Variants in TFR2 observed in about 807,000 individuals in gnomAD.
TFR2 encodes transferrin receptor protein 2.
TFR2 carries 64 observed loss-of-function variants against 91.9 expected under a neutral mutation model. That is an observed-to-expected ratio of 0.70 (90% CI 0.57 to 0.86). The LOEUF is 0.86. Ranked by LOEUF, TFR2 falls within the 40% of genes least tolerant of loss-of-function variation. The probability of loss-of-function intolerance (pLI) is 0.00; values close to 1 mark genes in which losing one functional copy is unlikely to be tolerated. For synonymous variants in TFR2, 454 were observed against 459.6 expected (o/e 0.99, Z 0.15); for missense variants, 950 against 1,080.5 (o/e 0.88, Z 1.69).
At chr7:100,626,998 G>T in intron 16 of TFR2, 95 bp from the exon 17 acceptor site, 1 of 1,416,914 alleles carries the variant, frequency 7.1e-7, no homozygotes, top group South Asian at 1.4e-5. Context: ...GGGGAAGGGG[G>T]CTGGGACCCC....
In TFR2 at chr7:100,620,656, T is replaced by C. The variant is rs934425957; in HGVS notation, c.*201A>G. On this transcript the variant is annotated 3_prime_UTR_variant, in exon 18 of 18. Coordinates refer to ENST00000223051, the MANE Select transcript of TFR2 (RefSeq NM_003227.4). ...TTAACCGACAGTATGACCGTCACAT[T>C]AGGGTCAGCTACACTGCAGGGCTGG... 25 of 648,726 alleles carry C rather than the reference T, an allele frequency of 3.9e-5. No individual in the cohort carries two copies. The highest frequency in any genetic ancestry group is 6.6e-5 in the Non-Finnish European group (25 of 379,218). 40.2% of individuals were successfully genotyped at this position (648,726 alleles called of 1,614,324 possible).
chr7:100,637,108 A>T (rs1221248114), intron 3 of TFR2, among the ~76,000 whole-genome samples: 1 of 152,040 alleles, frequency 6.6e-6, no homozygotes, highest in Non-Finnish European at 1.5e-5. Context: ...CCTAAAAAAA[A>T]TACATAAATT....
rs1176993152 is a variant in TFR2 at position 100,631,074 on chromosome 7, AG to A, written c.1107-23del. On this transcript the variant is annotated intron_variant, in intron 8 of 17. Coordinates refer to ENST00000223051, the MANE Select transcript of TFR2 (RefSeq NM_003227.4). ...CTTCCTGGAGAGGAGGAAGGCAGAA[AG>A]GGGGAAGTTGTAGAGAGACCCAGAA... is the stretch of plus-strand genomic sequence containing the variant. The A allele has an allele frequency of 2.6e-6, 4 of 1,537,146 alleles. No homozygotes were observed. In the African/African-American group the frequency reaches 5.6e-5, roughly 21 times the overall value.
chr7:100,626,443 G>A, intron 17 of TFR2: 1 of 1,228,722 alleles, frequency 8.1e-7, no homozygotes, highest in South Asian at 2.1e-5. Flanking sequence ...GGGTCGAGGA[G>A]GCAGTGGGAG....
intron 17 of TFR2, among the ~76,000 whole-genome samples, chr7:100,623,685 A>T (rs1803174162): frequency 6.6e-6 from 1 of 152,042 alleles, no homozygotes; most frequent in Middle Eastern, 3.2e-3. Context: ...CAGGAGGCCA[A>T]GGTGGGAGGA....
At position 100,631,818 on chromosome 7, in the gene TFR2, G is replaced by A. The variant is rs757899366; in HGVS notation, c.1094C>T (p.Ser365Phe). 32 of 1,612,648 alleles carry A rather than the reference G, an allele frequency of 2.0e-5. No homozygotes were observed. Among genetic ancestry groups the A allele is most frequent in the Non-Finnish European group, 2.7e-5 (32 of 1,179,246 alleles). Residue 365 changes from serine to phenylalanine, a missense_variant, in exon 8 of 18, where the codon TCC becomes TTC. Transcript: ENST00000223051. ...ACACTCCCCTCACCTCAGCAGGCGG[G>A]AGGCAATGTCTGCACTGATGGGCTG... ...PAQPISADIA[S>F]RLLRKLKGPV...
chr7:100,633,058 C>G lies in TFR2; in HGVS notation c.792G>C (p.Val264=), dbSNP rs772072680. The G allele has an allele frequency of 6.2e-7, 1 of 1,613,616 alleles. No individual in the cohort carries two copies. Among genetic ancestry groups the G allele is most frequent in the African/African-American group, 1.3e-5 (1 of 74,942 alleles). ...EDLQDLRARG[V]DPVGRLLLVR... is the part of the protein sequence containing the mutation. ...CCAGCAGCAGGCGGCCCACTGGATC[C>G]ACGCCCCTGGCCCGCAGGTCCTGCA... Residue 264 remains valine, a synonymous_variant, in exon 6 of 18, where the codon GTG becomes GTC. Transcript: ENST00000223051.
At chr7:100,625,239 A>AGTAGAGACGGGGTTTCTCCATGTT (rs1236705651) in intron 17 of TFR2, among the ~76,000 whole-genome samples, 17 of 151,734 alleles carry the variant, frequency 1.1e-4, no homozygotes, top group African/African-American at 3.9e-4. Context: ...TTGTATTTTT[A>AGTAGAGACGGGGTTTCTCCATGTT]GTAGAGACGG....
chr7:100,622,983 CAA>C (rs1803148329), intron 17 of TFR2, among the ~76,000 whole-genome samples: 2 of 141,842 alleles, frequency 1.4e-5, no homozygotes, highest in African/African-American at 2.7e-5. Flanking sequence ...AACAAACAAA[CAA>C]ACAAACAGGC....
chr7:100,639,145 C>A (rs568788966), intron 3 of TFR2, among the ~76,000 whole-genome samples: 5 of 152,272 alleles, frequency 3.3e-5, no homozygotes, highest in African/African-American at 1.2e-4. Context: ...TTTGGCAGAT[C>A]GCTTGAGCTT....
chr7:100,621,393 A>G (rs368343044), intron 17 of TFR2, among the ~76,000 whole-genome samples: 167 of 152,114 alleles, frequency 1.1e-3, no homozygotes, highest in African/African-American at 3.9e-3. Context: ...AGCTGGGATT[A>G]CAGGCACCCG....
At chr7:100,629,710 A>AC (rs2131315455) in intron 9 of TFR2, among the ~76,000 whole-genome samples, 1 of 152,222 alleles carries the variant, frequency 6.6e-6, no homozygotes, top group South Asian at 2.1e-4. Flanking sequence ...GATGTGTGCC[A>AC]CCATGCTCGG....
At position 100,621,140 on chromosome 7, in the gene TFR2, G is replaced by A. The variant is rs532499640; in HGVS notation, c.2137-14C>T. 12 of 1,503,434 alleles carry A rather than the reference G, an allele frequency of 8.0e-6. No homozygotes were observed. In the South Asian group the frequency reaches 1.2e-4, roughly 15 times the overall value. The allele number at this position is 1,503,434 out of a possible 1,614,324, so 93.1% of individuals were successfully genotyped here. ...GTAGAACTCCACCTGCGCAGAGAGG[G>A]GGATCAGGTCAGGGTTGGGGGCTCT... On this transcript the variant is annotated splice_polypyrimidine_tract_variant and intron_variant, in intron 17 of 17. Transcript: ENST00000223051.
Position 100,628,155 on chromosome 7 carries a change from T to C in TFR2, c.1474-19A>G. ...GGTAGCCCTGTGGGTGGGTGACCAG[T>C]GTGGAGTGGGAACCCCCCACCCCCA... On this transcript the variant is annotated intron_variant, in intron 11 of 17. Coordinates refer to ENST00000223051, the MANE Select transcript of TFR2 (RefSeq NM_003227.4). 6.2e-7 allele frequency: 1 copy of C among 1,614,092 alleles called. No individual in the cohort carries two copies. The highest frequency in any genetic ancestry group is 8.5e-7 in the Non-Finnish European group (1 of 1,179,994).
chr7:100,633,890 G>C (rs1390024536), intron 3 of TFR2, among the ~76,000 whole-genome samples: 1 of 151,412 alleles, frequency 6.6e-6, no homozygotes, highest in East Asian at 1.9e-4. Context: ...TGTATTTTTA[G>C]TAGAGACGGG....
At chr7:100,632,773 T>G (rs1224234712) in intron 6 of TFR2, 10 of 452,924 alleles carry the variant, frequency 2.2e-5, no homozygotes, top group Middle Eastern at 7.3e-4. Flanking sequence ...AGAGAGGGGG[T>G]TCTCACCGTG....
At chr7:100,634,177 A>ACACACACACACACACACAC (rs1554363936) in intron 3 of TFR2, among the ~76,000 whole-genome samples, 1 of 132,716 alleles carries the variant, frequency 7.5e-6, no homozygotes, top group East Asian at 2.6e-4. Context: ...TCCCGACGTC[A>ACACACACACACACACACAC]ACACACACAC....
At chr7:100,634,588 C>T (rs1039460083) in intron 3 of TFR2, among the ~76,000 whole-genome samples, 1 of 152,144 alleles carries the variant, frequency 6.6e-6, no homozygotes, top group East Asian at 1.9e-4. Flanking sequence ...AGATAAGGTG[C>T]TTATGGGGAG....
chr7:100,633,100 G>C lies in TFR2; in HGVS notation c.750C>G (p.Tyr250Ter), dbSNP rs80338880. The C allele has an allele frequency of 1.2e-6, 2 of 1,613,326 alleles. No homozygotes were observed. The highest frequency in any genetic ancestry group is 1.3e-5 in the African/African-American group (1 of 74,930). ...GGTCCTGCAGGTCTTCGGGCCGCCC[G>C]TAGTGGGCGTACACCAGCTCTCCCT... ...NVTGELVYAH[Y>*]GRPEDLQDLR... Residue 250 changes from tyrosine (Y) to a stop codon, truncating the protein, a stop_gained, in exon 6 of 18, where the codon TAC becomes TAG. Transcript: ENST00000223051. LOFTEE classifies it high-confidence loss of function.
Sources: gnomAD v4.1 joint callset for allele counts (sites outside exome capture counted in the v4.1 genomes callset) on GRCh38, gnomAD v4.1.1 for gene constraint, MANE v1.5 for transcripts, NCBI Gene and HGNC (gene_info 2026-07-23, HGNC 2026-07-21) for gene names.